Variants in ATP13A3 observed in about 807,000 individuals in gnomAD.
The protein encoded by ATP13A3 is polyamine-transporting ATPase 13A3.
Under a neutral mutation model 158.1 loss-of-function variants are expected in ATP13A3, and 59 were observed. That is an observed-to-expected ratio of 0.37 (90% CI 0.30 to 0.46). The LOEUF is 0.46. Ranked by LOEUF, ATP13A3 falls within the 20% of genes least tolerant of loss-of-function variation. ATP13A3 has a pLI of 1.00. For missense variants in ATP13A3, 1,166 were observed against 1,525.2 expected, an observed-to-expected ratio of 0.76 and a Z score of 3.92; for synonymous variants, 491 against 504.3, an observed-to-expected ratio of 0.97 and a Z score of 0.35.
chr3:194,494,290 T>A lies in ATP13A3; in HGVS notation n.516-10A>T, dbSNP rs186700593. ...GTAGTCAGAAAGTATGCTGAGTAAG[T>A]GGAGAACAAGTTAACATTGATTTTC... On this transcript the variant is annotated splice_polypyrimidine_tract_variant and intron_variant and non_coding_transcript_variant, in intron 1 of 32. Transcript: ENST00000687055. This position sits in a 1 kb window ranked among gnomAD's most constrained non-coding sequence, Gnocchi z 4.2. The A allele has an allele frequency of 7.2e-4, 288 of 398,548 alleles. 1 individual carries two copies. Among genetic ancestry groups the A allele is most frequent in the Non-Finnish European group, 1.1e-3 (253 of 226,062 alleles). 24.7% of individuals were successfully genotyped at this position (398,548 alleles called of 1,614,324 possible).
chr3:194,455,263 C>T (rs9843122), intron 8 of ATP13A3, among the ~76,000 whole-genome samples: 43,384 of 151,950 alleles, frequency 0.29, 7,397 homozygotes, highest in African/African-American at 0.48. Flanking sequence ...ATGAACTTCA[C>T]CCACCCAAAT....
At chr3:194,491,169 C>T (rs1721141445), upstream of ATP13A3, among the ~76,000 whole-genome samples, 1 of 152,108 alleles carries the variant, frequency 6.6e-6, no homozygotes, top group African/African-American at 2.4e-5. Flanking sequence ...CATATGCCTG[C>T]AGCCCAGGCC....
rs535554991 is a variant in ATP13A3, at chr3:194,404,256, G to A, written c.*1663C>T. The A allele has an allele frequency of 5.8e-6, 2 of 345,504 alleles. No homozygotes were observed. Among genetic ancestry groups the A allele is most frequent in the African/African-American group, 2.3e-5 (1 of 44,230 alleles). 21.4% of individuals were successfully genotyped at this position (345,504 alleles called of 1,614,324 possible). A position where few individuals can be genotyped will look rare whatever the true frequency, so the allele number is the denominator to read the frequency against. ...TGTATTAATAGCATATTATACATTT[G>A]ATGGAAAACTTCGATTATATTTTTG... On this transcript the variant is annotated 3_prime_UTR_variant, in exon 34 of 34. Transcript: ENST00000645319.
At chr3:194,461,643 C>T (rs1375761583) in intron 3 of ATP13A3, among the ~76,000 whole-genome samples, 2 of 152,066 alleles carry the variant, frequency 1.3e-5, no homozygotes, top group East Asian at 1.9e-4. Flanking sequence ...TTTTGTCTGT[C>T]CCATGCAACA....
rs1714814571 is a variant in ATP13A3, at chr3:194,404,647, C to T, written c.*1272G>A. 1 of 152,144 alleles carries T rather than the reference C, an allele frequency of 6.6e-6. No homozygotes were observed. 9.4% of individuals were successfully genotyped at this position (152,144 alleles called of 1,614,324 possible). On this transcript the variant is annotated 3_prime_UTR_variant, in exon 34 of 34. Coordinates refer to ENST00000645319, the MANE Select transcript of ATP13A3 (RefSeq NM_001367549.1). ...TTTTTAAAAGTTACCTTAATTTTGG[C>T]AAGAATTTAAATGTTAATCAGGCCA... is the stretch of plus-strand genomic sequence containing the variant.
intron 2 of ATP13A3, among the ~76,000 whole-genome samples, chr3:194,481,384 G>GA (rs199962148): frequency 0.038 from 5,672 of 148,646 alleles, 261 homozygotes; most frequent in African/African-American, 0.11. Context: ...GCTCTCACTG[G>GA]AAAAAAAAAA....
At chr3:194,436,773 G>T (rs991487108) in intron 20 of ATP13A3, among the ~76,000 whole-genome samples, 3 of 152,186 alleles carry the variant, frequency 2.0e-5, no homozygotes, top group Non-Finnish European at 2.9e-5. Flanking sequence ...GCTTGAACCG[G>T]GGAGGTGGAG....
At chr3:194,482,393 TACTAAC>T (rs1232592578) in intron 2 of ATP13A3, among the ~76,000 whole-genome samples, 1 of 152,182 alleles carries the variant, frequency 6.6e-6, no homozygotes, top group Non-Finnish European at 1.5e-5. Context: ...GTGCATAACC[TACTAAC>T]ACAAATCGTT....
upstream of ATP13A3, among the ~76,000 whole-genome samples, chr3:194,491,459 C>T (rs527446658): frequency 6.6e-6 from 1 of 152,252 alleles, no homozygotes; most frequent in East Asian, 1.9e-4. Flanking sequence ...ATTTCACTGC[C>T]ACTAGAATAA....
chr3:194,413,600 T>C (rs1192767418), intron 32 of ATP13A3, among the ~76,000 whole-genome samples, 159 bp downstream of exon 32: 1 of 152,240 alleles, frequency 6.6e-6, no homozygotes, highest in African/African-American at 2.4e-5. Flanking sequence ...TATCAATTCA[T>C]GGAAAAGTTC....
intron 2 of ATP13A3, among the ~76,000 whole-genome samples, chr3:194,474,813 C>T (rs76495288): frequency 0.035 from 5,316 of 152,264 alleles, 332 homozygotes; most frequent in African/African-American, 0.12. Context: ...CTTACAGCTG[C>T]TGCCGGCAAG....
At chr3:194,474,625 A>G (rs1157496273) in intron 2 of ATP13A3, among the ~76,000 whole-genome samples, 1 of 152,228 alleles carries the variant, frequency 6.6e-6, no homozygotes, top group Non-Finnish European at 1.5e-5. Context: ...ATGTAAATTA[A>G]TGTCTTCCAT....
intron 2 of ATP13A3, among the ~76,000 whole-genome samples, chr3:194,470,841 C>T (rs898119214): frequency 1.3e-5 from 2 of 152,042 alleles, no homozygotes; most frequent in Non-Finnish European, 2.9e-5. Flanking sequence ...AAAAATGCTG[C>T]GGCAGGCAAC....
rs765260712 is a variant in ATP13A3, at chr3:194,460,760, C to A, written c.123G>T (p.Gly41=). The change falls in exon 4 of 34, where the codon GGG becomes GGT. Residue 41 remains glycine, a synonymous_variant. Coordinates refer to ENST00000645319, the MANE Select transcript of ATP13A3 (RefSeq NM_001367549.1). ...IVSLGVICSG[G]FLLLLLYWMP... is the part of the protein sequence containing the mutation. ...TCCAATAGAGGAGGAGGAGGAGAAA[C>A]CCACCAGAGCAAATCACTCCTAAAG... The A allele has an allele frequency of 6.2e-7, 1 of 1,614,116 alleles. No homozygotes were observed. Among genetic ancestry groups the A allele is most frequent in the Non-Finnish European group, 8.5e-7 (1 of 1,179,994 alleles).
chr3:194,413,643 G>T, intron 32 of ATP13A3, 116 bp downstream of exon 32: 1 of 925,434 alleles, frequency 1.1e-6, no homozygotes. Flanking sequence ...TGCCTGAGAT[G>T]AAACTGAGAC....
chr3:194,431,439 G>C (rs375006289), intron 22 of ATP13A3, among the ~76,000 whole-genome samples: 2 of 152,236 alleles, frequency 1.3e-5, no homozygotes, highest in East Asian at 1.9e-4. Context: ...TGGACCACCT[G>C]CATCATTTAC....
At chr3:194,413,525 A>T (rs1348868288) in intron 32 of ATP13A3, among the ~76,000 whole-genome samples, 1 of 152,204 alleles carries the variant, frequency 6.6e-6, no homozygotes, top group African/African-American at 2.4e-5. Context: ...AATTTTTATT[A>T]TCACATTGCT....
chr3:194,410,309 A>AC (rs1715281772), intron 33 of ATP13A3, among the ~76,000 whole-genome samples: 1 of 140,886 alleles, frequency 7.1e-6, no homozygotes, highest in Non-Finnish European at 1.5e-5. Context: ...AAAAAAAAAA[A>AC]AAAAAAAAAA....
At chr3:194,415,065 G>C (rs995985715) in intron 31 of ATP13A3, among the ~76,000 whole-genome samples, 1 of 152,222 alleles carries the variant, frequency 6.6e-6, no homozygotes, top group African/African-American at 2.4e-5. Context: ...GGCAGAGGGA[G>C]TGGAGCCAAA....
Sources: allele counts gnomAD v4.1 joint callset (sites outside exome capture counted in the v4.1 genomes callset), GRCh38; gene constraint gnomAD v4.1.1; non-coding constraint Gnocchi (gnomAD v3.1); transcripts MANE v1.5; gene names NCBI Gene and HGNC (gene_info 2026-07-23, HGNC 2026-07-21).